STARD9: variants seen among roughly 807,000 people sequenced by gnomAD.
STARD9 encodes the protein stAR-related lipid transfer protein 9.
STARD9 carries 346 observed loss-of-function variants against 399.8 expected under a neutral mutation model. The observed-to-expected ratio is 0.87, with a 90% CI of 0.79 to 0.95. The LOEUF is 0.95. Ranked by LOEUF, STARD9 falls within the 40% of genes least tolerant of loss-of-function variation. The pLI is 0.00. For missense variants in STARD9, 5,832 were observed against 5,667.5 expected, an observed-to-expected ratio of 1.03 and a Z score of -0.93; for synonymous variants, 2,203 against 2,143.5, an observed-to-expected ratio of 1.03 and a Z score of -0.77.
intron 3 of STARD9, among the ~76,000 whole-genome samples, chr15:42,605,674 A>G (rs950055372): frequency 6.6e-6 from 1 of 152,248 alleles, no homozygotes; most frequent in African/African-American, 2.4e-5. Flanking sequence ...TTAGGCAGTT[A>G]GAAAAGATAC....
At chr15:42,635,151 A>G (rs945265701) in intron 4 of STARD9, among the ~76,000 whole-genome samples, 179 bp downstream of exon 4, 4 of 151,704 alleles carry the variant, frequency 2.6e-5, no homozygotes, top group African/African-American at 4.8e-5. Flanking sequence ...CACGCCTGTA[A>G]TCCCAGCACT....
rs1162223798 is a variant in STARD9 at position 42,687,467 on chromosome 15, C to A, written c.5889C>A (p.Ala1963=). 1.3e-6 allele frequency: 2 copies of A among 1,537,120 alleles called. No homozygotes were observed. The highest frequency in any genetic ancestry group is 3.9e-5 in the Admixed American group (2 of 51,000). ...DRRVSSPVMV[A]QGGGPTPKWE... ...GAGTAAGCAGCCCAGTGATGGTGGC[C>A]CAGGGTGGTGGCCCAACCCCTAAGT... Residue 1963 remains alanine (A), a synonymous_variant, in exon 23 of 33, where the codon GCC becomes GCA. Coordinates refer to ENST00000290607, the MANE Select transcript of STARD9 (RefSeq NM_020759.3).
chr15:42,717,784 T>C lies in STARD9; in HGVS notation c.13548T>C (p.Thr4516=), dbSNP rs376773768. 1 of 1,537,226 alleles carries C rather than the reference T, an allele frequency of 6.5e-7. No individual in the cohort carries two copies. ...ACAACCTCTTCAGCTGCCAGGCAAC[T>C]GCTGGCTGGAAGTAAGTTTGTTTAG... ...NLHNLFSCQA[T]AGWNYQGEEQ... The change falls in exon 29 of 33, where the codon ACT becomes ACC. Residue 4516 remains threonine, a synonymous_variant. Transcript: ENST00000290607.
chr15:42,667,163 C>T (rs913283951), intron 15 of STARD9, among the ~76,000 whole-genome samples: 30 of 149,994 alleles, frequency 2.0e-4, no homozygotes, highest in African/African-American at 5.6e-4. Context: ...TTTTTGTTGA[C>T]GGATTAGATT....
At chr15:42,638,442 G>T (rs574676485) in intron 6 of STARD9, among the ~76,000 whole-genome samples, 2 of 152,144 alleles carry the variant, frequency 1.3e-5, no homozygotes, top group South Asian at 4.2e-4. Context: ...GGAGGCGGAG[G>T]TTGCAGTGAG....
intron 7 of STARD9, among the ~76,000 whole-genome samples, chr15:42,642,695 A>G (rs1173713540): frequency 6.6e-6 from 1 of 152,236 alleles, no homozygotes; most frequent in Non-Finnish European, 1.5e-5. Flanking sequence ...CTCAGAGGAA[A>G]GCTTCACCAT....
intron 26 of STARD9, among the ~76,000 whole-genome samples, chr15:42,715,147 G>C (rs2061327683): frequency 6.6e-6 from 1 of 151,974 alleles, no homozygotes; most frequent in Non-Finnish European, 1.5e-5. Context: ...CAGTGAAAGG[G>C]AGAGACTGGC....
At chr15:42,650,014 G>C (rs1264686700) in intron 7 of STARD9, among the ~76,000 whole-genome samples, 3 of 151,834 alleles carry the variant, frequency 2.0e-5, no homozygotes, top group Non-Finnish European at 4.4e-5. Context: ...TTACAGGCAT[G>C]CACCAACACA....
chr15:42,627,524 A>G (rs1232445858), intron 3 of STARD9, among the ~76,000 whole-genome samples: 1 of 152,152 alleles, frequency 6.6e-6, no homozygotes, highest in Non-Finnish European at 1.5e-5. Context: ...ACGTTATGCT[A>G]TCAAATACTG....
In STARD9 at chr15:42,687,981, G is replaced by GT; in HGVS notation, c.6405dup (p.Asn2136Ter). The GT allele has an allele frequency of 1.3e-6, 2 of 1,537,518 alleles. No homozygotes were observed. The highest frequency in any genetic ancestry group is 1.7e-6 in the Non-Finnish European group (2 of 1,146,980). ...GGATAGTGAAGCTGGAGCGATGGAGGTTAACAGCATTGGGAACCATCCCCA... is the reference window on the plus strand; with the variant it reads ...GGATAGTGAAGCTGGAGCGATGGAGGTTTAACAGCATTGGGAACCATCCCCA... On this transcript the variant is annotated frameshift_variant, in exon 23 of 33. Transcript: ENST00000290607. LOFTEE classifies it high-confidence loss of function.
chr15:42,705,918 A>G (rs1048644359), intron 26 of STARD9, among the ~76,000 whole-genome samples: 1 of 151,384 alleles, frequency 6.6e-6, no homozygotes, highest in Admixed American at 6.6e-5. Context: ...ACGCCTGGCT[A>G]ATTTTTGTGT....
At chr15:42,704,406 G>A (rs886285611) in intron 26 of STARD9, among the ~76,000 whole-genome samples, 1 of 152,134 alleles carries the variant, frequency 6.6e-6, no homozygotes, top group African/African-American at 2.4e-5. Flanking sequence ...TTCCCTTAAT[G>A]TTCTTGATGC....
intron 20 of STARD9, 33 bp from the exon 21 acceptor site, chr15:42,681,388 TC>T: frequency 6.6e-7 from 1 of 1,522,208 alleles, no homozygotes; most frequent in East Asian, 2.4e-5. Flanking sequence ...GGTTTGCATT[TC>T]CCCTTGGGTA....
At chr15:42,618,752 A>T (rs1046865369) in intron 3 of STARD9, among the ~76,000 whole-genome samples, 3 of 151,914 alleles carry the variant, frequency 2.0e-5, no homozygotes, top group African/African-American at 7.3e-5. Flanking sequence ...GTGCACCAGC[A>T]CGCCTGGCTA....
intron 11 of STARD9, 152 bp from the exon 12 acceptor site, chr15:42,663,129 A>G (rs2060021985): frequency 2.4e-6 from 2 of 822,278 alleles, no homozygotes; most frequent in Admixed American, 2.9e-5. Context: ...TCGTGAGTCT[A>G]AAGTCTTTAG....
chr15:42,617,219 A>G (rs1280899834), intron 3 of STARD9, among the ~76,000 whole-genome samples: 1 of 152,214 alleles, frequency 6.6e-6, no homozygotes, highest in Non-Finnish European at 1.5e-5. Context: ...ACATAATTTT[A>G]TTAGAGTGTC....
chr15:42,643,754 C>G (rs1454686685), intron 7 of STARD9, among the ~76,000 whole-genome samples: 1 of 152,116 alleles, frequency 6.6e-6, no homozygotes, highest in Non-Finnish European at 1.5e-5. Flanking sequence ...CCTTGGCCAC[C>G]TCTTTTGTAG....
chr15:42,609,279 C>T lies in STARD9; in HGVS notation c.234+23642C>T, dbSNP rs148170868. Among the ~76,000 whole-genome samples the T allele has an allele frequency of 7.2e-5, 11 of 152,284 alleles. No individual in the cohort carries two copies. In the East Asian group the frequency reaches 2.1e-3, roughly 29 times the overall value. On this transcript the variant is annotated intron_variant, in intron 3 of 32. Transcript: ENST00000290607. Reference sequence around the variant, plus strand: ...GAAGAAGGCTTCTAAGCCCTCAGAACGTGACCCAAGTCCTCTCTCTAACCC... The same window carrying T: ...GAAGAAGGCTTCTAAGCCCTCAGAATGTGACCCAAGTCCTCTCTCTAACCC...
In STARD9 at chr15:42,689,748, C is replaced by G. The variant is rs781627052; in HGVS notation, c.8170C>G (p.Arg2724Gly). 1 of 1,537,742 alleles carries G rather than the reference C, an allele frequency of 6.5e-7. No homozygotes were observed. The highest frequency in any genetic ancestry group is 1.4e-5 in the African/African-American group (1 of 73,150). Reference protein sequence around the residue: ...SADPLAPDSPRSSAPVEEVRR... With the variant: ...SADPLAPDSPGSSAPVEEVRR... ...TGATCCTTTGGCCCCAGACAGTCCT[C>G]GTTCTTCAGCACCTGTGGAGGAGGT... Residue 2724 changes from arginine (R) to glycine (G), a missense_variant, in exon 23 of 33, where the codon CGT becomes GGT. Around this residue, in one of 2 missense-constraint regions of STARD9, gnomAD observed 5,828 missense variants for 5,651.1 expected, o/e 1.03. Transcript: ENST00000290607.
Sources: gnomAD v4.1 joint callset for allele counts (sites outside exome capture counted in the v4.1 genomes callset) on GRCh38, gnomAD v4.1.1 for gene constraint, gnomAD v4.1.1 regional missense constraint, MANE v1.5 for transcripts, NCBI Gene and HGNC (gene_info 2026-07-23, HGNC 2026-07-21) for gene names.